The following FANCB variants were observed in gnomAD, a reference collection of about 807,000 sequenced individuals.
The protein encoded by FANCB is Fanconi anemia group B protein.
In FANCB, 5 loss-of-function variants were observed where a neutral mutation model predicts 38.9. The observed-to-expected ratio is 0.13, with a 90% CI of 0.07 to 0.27. FANCB has a LOEUF of 0.27. Among genes scored for constraint, FANCB ranks in the 10% least tolerant of loss-of-function variants. FANCB has a pLI of 1.00. For synonymous variants in FANCB, 236 were observed against 215.4 expected (o/e 1.10, Z -0.84); for missense variants, 573 against 602.7 (o/e 0.95, Z 0.52).
the FANCB span, among the ~76,000 whole-genome samples, chrX:14,745,733 T>G: frequency 1.2e-5 from 1 of 86,203 alleles, no homozygotes; most frequent in Non-Finnish European, 2.2e-5. Flanking sequence ...AGAGTCTCAC[T>G]CTGTCGCCCA....
the FANCB span, among the ~76,000 whole-genome samples, chrX:14,722,748 A>G: frequency 7.6e-3 from 848 of 111,275 alleles, 11 homozygotes; most frequent in African/African-American, 0.026. Context: ...CTATCCACAG[A>G]CCAGTTTGAG....
chrX:14,858,237 T>C (rs1054111750), intron 4 of FANCB, among the ~76,000 whole-genome samples: 1 of 109,989 alleles, frequency 9.1e-6, no homozygotes, highest in African/African-American at 3.3e-5. Flanking sequence ...CTACTAAAAA[T>C]ACAAAAAATT....
At chrX:14,846,118 A>G (rs1333975273) in intron 7 of FANCB, among the ~76,000 whole-genome samples, 7 of 112,091 alleles carry the variant, frequency 6.2e-5, no homozygotes, top group Admixed American at 5.7e-4. Flanking sequence ...TATACTGTAG[A>G]GTAATTATGT....
chrX:14,812,221 C>T, the FANCB span, among the ~76,000 whole-genome samples: 2 of 110,243 alleles, frequency 1.8e-5, no homozygotes, highest in Admixed American at 1.9e-4. Flanking sequence ...AGGAAAGATC[C>T]AAAATTGACA....
chrX:14,823,458 A>G, the FANCB span, among the ~76,000 whole-genome samples: 1 of 111,900 alleles, frequency 8.9e-6, no homozygotes, highest in Non-Finnish European at 1.9e-5. Flanking sequence ...ACATGAAGAA[A>G]TGCACAAATA....
chrX:14,740,837 T>A, the FANCB span, among the ~76,000 whole-genome samples: 1 of 111,636 alleles, frequency 9.0e-6, no homozygotes, highest in Non-Finnish European at 1.9e-5. Context: ...TTGTATAAAT[T>A]AGCACCTCCC....
chrX:14,735,135 T>C, the FANCB span, among the ~76,000 whole-genome samples: 1 of 109,018 alleles, frequency 9.2e-6, no homozygotes, highest in African/African-American at 3.3e-5. Context: ...TCCTCTAACC[T>C]TTTTTTCAAG....
the FANCB span, among the ~76,000 whole-genome samples, chrX:14,828,617 C>T: frequency 8.9e-6 from 1 of 112,014 alleles, no homozygotes; most frequent in African/African-American, 3.2e-5. Context: ...TTGCTATTTC[C>T]ACCACATCTG....
At chrX:14,836,561 C>T (rs2092341712) in intron 10 of FANCB, among the ~76,000 whole-genome samples, 1 of 111,485 alleles carries the variant, frequency 9.0e-6, no homozygotes, top group South Asian at 3.7e-4. Flanking sequence ...TTTACAGTTC[C>T]GCAATAAAAT....
At chrX:14,781,306 T>C in the FANCB span, among the ~76,000 whole-genome samples, 1 of 109,936 alleles carries the variant, frequency 9.1e-6, no homozygotes, top group Admixed American at 9.7e-5. Flanking sequence ...GGTGGATGCC[T>C]ATAATCCCAG....
chrX:14,810,575 G>A, the FANCB span, among the ~76,000 whole-genome samples: 9 of 111,770 alleles, frequency 8.1e-5, no homozygotes, highest in Middle Eastern at 4.6e-3. Flanking sequence ...AGTGATGGAA[G>A]ATGAAATGAA....
chrX:14,852,938 C>A, intron 6 of FANCB, 101 bp downstream of exon 6: 3 of 779,362 alleles, frequency 3.8e-6, no homozygotes, highest in South Asian at 2.5e-5. Context: ...CACTGAGCAG[C>A]ATTTTCTAAT....
At chrX:14,717,712 C>T in the FANCB span, among the ~76,000 whole-genome samples, 2 of 97,724 alleles carry the variant, frequency 2.0e-5, no homozygotes, top group Non-Finnish European at 2.0e-5. Flanking sequence ...CTTGGATTTA[C>T]TAGCAACTGG....
At chrX:14,707,110 GC>G in the FANCB span, among the ~76,000 whole-genome samples, 1 of 111,785 alleles carries the variant, frequency 8.9e-6, no homozygotes, top group Non-Finnish European at 1.9e-5. Flanking sequence ...TTTCATTACA[GC>G]ACCATTTCCT....
chrX:14,732,236 A>G, the FANCB span, among the ~76,000 whole-genome samples: 95 of 112,160 alleles, frequency 8.5e-4, no homozygotes, highest in African/African-American at 2.9e-3. Context: ...ATGGCTGCAT[A>G]GTATTCCATG....
intron 1 of FANCB, among the ~76,000 whole-genome samples, chrX:14,871,548 C>G (rs907817314): frequency 9.1e-6 from 1 of 110,418 alleles, no homozygotes; most frequent in African/African-American, 3.3e-5. Flanking sequence ...TCAATGAACA[C>G]CAATAGGGGA....
chrX:14,745,890 C>T, the FANCB span, among the ~76,000 whole-genome samples: 1 of 107,801 alleles, frequency 9.3e-6, no homozygotes, highest in Non-Finnish European at 1.9e-5. Context: ...TTAGTAGAGA[C>T]AAGGTTTCAC....
chrX:14,817,388 T>C, the FANCB span, among the ~76,000 whole-genome samples: 2 of 111,473 alleles, frequency 1.8e-5, no homozygotes, highest in Non-Finnish European at 3.8e-5. Context: ...ATTTCAGACA[T>C]AAGGCAAACA....
the FANCB span, among the ~76,000 whole-genome samples, chrX:14,828,413 A>G: frequency 3.6e-5 from 4 of 112,330 alleles, no homozygotes; most frequent in East Asian, 5.6e-4. Context: ...TGCTTTATCA[A>G]CTAAGTTTAT....
Sources: gnomAD v4.1 joint callset for allele counts (sites outside exome capture counted in the v4.1 genomes callset) on GRCh38, gnomAD v4.1.1 for gene constraint, MANE v1.5 for transcripts, NCBI Gene and HGNC (gene_info 2026-07-23, HGNC 2026-07-21) for gene names.